LAMA4: variants seen among roughly 807,000 people sequenced by gnomAD.
The protein encoded by LAMA4 is laminin subunit alpha 4, also known as laminin subunit alpha-4.
LAMA4 carries 127 observed loss-of-function variants against 207.1 expected under a neutral mutation model. The observed-to-expected ratio is 0.61, with a 90% confidence interval of 0.53 to 0.71. The LOEUF is 0.71. LAMA4 is among the 30% of genes least tolerant of loss of function. The probability of loss-of-function intolerance (pLI) is 0.00; values close to 1 mark genes in which losing one functional copy is unlikely to be tolerated. For missense variants in LAMA4, 2,093 were observed against 2,246.5 expected (o/e 0.93, Z 1.38); for synonymous variants, 761 against 816.0 (o/e 0.93, Z 1.15).
chr6:112,145,729 A>G (rs1779986047), intron 18 of LAMA4, among the ~76,000 whole-genome samples: 1 of 152,216 alleles, frequency 6.6e-6, no homozygotes, highest in Admixed American at 6.5e-5. Flanking sequence ...AACAAAGCCC[A>G]AAGCACAGTT....
intron 38 of LAMA4, among the ~76,000 whole-genome samples, chr6:112,112,134 A>G (rs1167975474): frequency 1.3e-5 from 2 of 152,178 alleles, no homozygotes; most frequent in African/African-American, 2.4e-5. Flanking sequence ...GCTAAGTGCT[A>G]CAACAGCAGT....
rs782057109 is a variant in LAMA4, at chr6:112,254,191, C to G, written c.-41G>C. On this transcript the variant is annotated 5_prime_UTR_variant, in exon 2 of 39. Coordinates refer to ENST00000230538, the MANE Select transcript of LAMA4 (RefSeq NM_001105206.3). The stretch of plus-strand genomic sequence containing the variant: ...CAGTAGTGCTCTTCCAGGGCTCGGG[C>G]GCTGTGGGTCTCCGTAGGTCTCCCG... 1.6e-5 allele frequency: 25 copies of G among 1,610,636 alleles called. No individual in the cohort carries two copies. The highest frequency in any genetic ancestry group is 2.1e-5 in the Non-Finnish European group (25 of 1,179,630).
intron 2 of LAMA4, among the ~76,000 whole-genome samples, chr6:112,233,774 G>A (rs782462098): frequency 2.0e-4 from 31 of 152,186 alleles, no homozygotes; most frequent in Non-Finnish European, 4.1e-4. Context: ...ATTGCTTCAA[G>A]CAGGCATCTT....
chr6:112,205,450 AT>A (rs1176417893), intron 4 of LAMA4, among the ~76,000 whole-genome samples: 3 of 151,170 alleles, frequency 2.0e-5, no homozygotes, highest in Non-Finnish European at 4.4e-5. Context: ...TTGACTTCAA[AT>A]CCCATGGAAA....
intron 3 of LAMA4, among the ~76,000 whole-genome samples, chr6:112,208,466 C>A (rs1252177030): frequency 6.6e-6 from 1 of 152,156 alleles, no homozygotes; most frequent in Non-Finnish European, 1.5e-5. Context: ...CTCACCCCTG[C>A]CATTTTACAT....
At chr6:112,126,414 A>G (rs974115007) in intron 31 of LAMA4, among the ~76,000 whole-genome samples, 1 of 152,226 alleles carries the variant, frequency 6.6e-6, no homozygotes, top group Non-Finnish European at 1.5e-5. Context: ...ACTCCTTCAT[A>G]GTATCTTCCA....
At chr6:112,110,630 T>TAG (rs1554321284) in intron 38 of LAMA4, among the ~76,000 whole-genome samples, 6 of 152,246 alleles carry the variant, frequency 3.9e-5, no homozygotes, top group Non-Finnish European at 8.8e-5. Context: ...GTGACTATTC[T>TAG]TCAAGCCTGC....
intron 4 of LAMA4, among the ~76,000 whole-genome samples, chr6:112,204,197 T>A (rs1319787490): frequency 6.6e-6 from 1 of 152,244 alleles, no homozygotes; most frequent in Non-Finnish European, 1.5e-5. Context: ...TTTTACTCAC[T>A]GCTGTGTCAC....
rs1554322846 is a variant in LAMA4, at chr6:112,114,667, A to G, written c.5202T>C (p.Ile1734=). The G allele has an allele frequency of 3.7e-6, 6 of 1,608,854 alleles. No individual in the cohort carries two copies. In the Admixed American group the frequency reaches 1.0e-4, roughly 27 times the overall value. Residue 1734 remains isoleucine (I), a synonymous_variant, in exon 37 of 39, where the codon ATT becomes ATC. Coordinates refer to ENST00000230538, the MANE Select transcript of LAMA4 (RefSeq NM_001105206.3). ...CAGGGCAGTCAGTTTTCTCACCTGT[A>G]ATTCTGTGCCATCTGCCATCACAGA... ...QSLCDGRWHR[I]TVIRDSNVVQ... is the part of the protein sequence containing the mutation.
chr6:112,244,492 G>T (rs1786763097), intron 2 of LAMA4, among the ~76,000 whole-genome samples: 1 of 152,186 alleles, frequency 6.6e-6, no homozygotes, highest in Non-Finnish European at 1.5e-5. Flanking sequence ...CCTCAGGACT[G>T]CTTGTCTATA....
chr6:112,132,477 A>G (rs1779093079), intron 28 of LAMA4, among the ~76,000 whole-genome samples: 1 of 152,166 alleles, frequency 6.6e-6, no homozygotes, highest in African/African-American at 2.4e-5. Context: ...AGTGAGAGAA[A>G]ATAAAGATGT....
At chr6:112,204,395 G>A (rs1583883041) in intron 4 of LAMA4, among the ~76,000 whole-genome samples, 3 of 152,088 alleles carry the variant, frequency 2.0e-5, no homozygotes, top group East Asian at 3.8e-4. Flanking sequence ...TCATGCAAAT[G>A]GGGTGAAAAG....
intron 31 of LAMA4, 97 bp downstream of exon 31, chr6:112,128,825 G>A (rs1778852724): frequency 9.7e-7 from 1 of 1,031,426 alleles, no homozygotes. Flanking sequence ...GTACGTAGTT[G>A]CAAAGTATCA....
At chr6:112,209,295 T>C (rs1258658012) in intron 3 of LAMA4, among the ~76,000 whole-genome samples, 1 of 152,160 alleles carries the variant, frequency 6.6e-6, no homozygotes, top group Non-Finnish European at 1.5e-5. Flanking sequence ...AAGTGACTAC[T>C]GTGTTGCAAA....
chr6:112,204,043 A>C (rs1216460410), intron 4 of LAMA4, among the ~76,000 whole-genome samples: 1 of 152,198 alleles, frequency 6.6e-6, no homozygotes, highest in Admixed American at 6.5e-5. Context: ...TCATTTCTTA[A>C]AGAGTTAACA....
intron 9 of LAMA4, among the ~76,000 whole-genome samples, chr6:112,181,723 T>C (rs1554345312): frequency 1.3e-5 from 2 of 152,226 alleles, no homozygotes; most frequent in African/African-American, 4.8e-5. Flanking sequence ...AATTATGTTT[T>C]TACTTATCTG....
At chr6:112,184,228 T>C (rs1366483545) in intron 9 of LAMA4, among the ~76,000 whole-genome samples, 5 of 151,978 alleles carry the variant, frequency 3.3e-5, no homozygotes, top group Non-Finnish European at 4.4e-5. Context: ...TTTTTAAAAT[T>C]TTTGTTGATC....
intron 13 of LAMA4, 100 bp downstream of exon 13, chr6:112,165,060 G>A: frequency 3.8e-6 from 3 of 789,478 alleles, no homozygotes; most frequent in Admixed American, 1.7e-5. Flanking sequence ...TATAATGCCT[G>A]CTCACTGGTT....
intron 2 of LAMA4, among the ~76,000 whole-genome samples, chr6:112,237,819 C>T (rs1050615468): frequency 2.6e-5 from 4 of 152,214 alleles, no homozygotes; most frequent in Non-Finnish European, 4.4e-5. Context: ...CAAATCCAGG[C>T]CTCCTTAGGC....
Sources: allele counts gnomAD v4.1 joint callset (sites outside exome capture counted in the v4.1 genomes callset), GRCh38; gene constraint gnomAD v4.1.1; transcripts MANE v1.5; gene names NCBI Gene and HGNC (gene_info 2026-07-23, HGNC 2026-07-21).